Variants in CADPS2 observed in about 807,000 individuals in gnomAD.
CADPS2 encodes the protein calcium-dependent secretion activator 2.
In CADPS2, 93 loss-of-function variants were observed where a neutral mutation model predicts 172.5. That is an observed-to-expected ratio of 0.54 (90% CI 0.46 to 0.64). The LOEUF (loss-of-function observed/expected upper bound fraction) is 0.64. CADPS2 is among the 30% of genes least tolerant of loss of function. The pLI, the probability that CADPS2 is intolerant of heterozygous loss-of-function variation, is 0.00. For missense variants in CADPS2, 1,420 were observed against 1,565.9 expected (o/e 0.91, Z 1.57); for synonymous variants, 546 against 555.2 (o/e 0.98, Z 0.23).
At chr7:122,686,479 G>A (rs914968704) in intron 2 of CADPS2, among the ~76,000 whole-genome samples, 7 of 152,116 alleles carry the variant, frequency 4.6e-5, no homozygotes, top group Admixed American at 2.0e-4. Context: ...ACTCGAGTAC[G>A]CATTAGAATC....
Position 122,438,254 on chromosome 7 carries a change from G to A in CADPS2, c.2476+87C>T, listed in dbSNP as rs938429247. On this transcript the variant is annotated intron_variant, in intron 17 of 29. Transcript: ENST00000449022. ...CTTTGCCATGGCACAGGATTGTTCAGGAAAGGAAAGGACTTCTCATAGAAA... is the reference window on the plus strand; with the variant it reads ...CTTTGCCATGGCACAGGATTGTTCAAGAAAGGAAAGGACTTCTCATAGAAA... 9.2e-6 allele frequency: 14 copies of A among 1,522,542 alleles called. No homozygotes were observed. The African/African-American group carries it at 1.9e-4, about 21-fold the overall frequency. 94.3% of individuals were successfully genotyped at this position (1,522,542 alleles called of 1,614,324 possible). A position where few individuals can be genotyped will look rare whatever the true frequency, so the allele number is the denominator to read the frequency against.
intron 1 of CADPS2, among the ~76,000 whole-genome samples, chr7:122,817,383 T>C (rs1474212751): frequency 2.0e-5 from 3 of 152,134 alleles, no homozygotes; most frequent in African/African-American, 7.2e-5. Context: ...CCTCAACCAC[T>C]TTCTCCTTTC....
chr7:122,622,372 T>C (rs551469064), intron 4 of CADPS2, among the ~76,000 whole-genome samples: 1 of 152,174 alleles, frequency 6.6e-6, no homozygotes, highest in Non-Finnish European at 1.5e-5. Flanking sequence ...TGATAAAAAC[T>C]ATTAAGGGAA....
intron 22 of CADPS2, among the ~76,000 whole-genome samples, chr7:122,391,935 G>A (rs1241486980): frequency 1.3e-5 from 2 of 152,070 alleles, no homozygotes; most frequent in Non-Finnish European, 2.9e-5. Flanking sequence ...TCACTTATTT[G>A]CTGTGAGATA....
chr7:122,875,110 T>C (rs1454657771), intron 1 of CADPS2, among the ~76,000 whole-genome samples: 3 of 152,174 alleles, frequency 2.0e-5, no homozygotes, highest in Non-Finnish European at 4.4e-5. Flanking sequence ...TCCAGAAATG[T>C]GAGTGTGTAT....
intron 25 of CADPS2, among the ~76,000 whole-genome samples, chr7:122,365,813 A>G (rs1054802820): frequency 2.0e-5 from 3 of 152,224 alleles, no homozygotes; most frequent in Non-Finnish European, 4.4e-5. Context: ...AAACATGAAG[A>G]GTGCTTCAAG....
chr7:122,384,558 A>G (rs112709049), intron 24 of CADPS2, among the ~76,000 whole-genome samples: 3,012 of 152,188 alleles, frequency 0.02, 105 homozygotes, highest in African/African-American at 0.069. Context: ...GGCCTATGCA[A>G]TTATGTGGGT....
chr7:122,488,901 G>A (rs765554173), intron 11 of CADPS2, among the ~76,000 whole-genome samples: 1 of 152,162 alleles, frequency 6.6e-6, no homozygotes, highest in Non-Finnish European at 1.5e-5. Context: ...ACTCTTATCT[G>A]CTGTGCCATA....
chr7:122,684,612 G>T (rs1216957622), intron 2 of CADPS2, among the ~76,000 whole-genome samples: 3 of 152,058 alleles, frequency 2.0e-5, no homozygotes, highest in South Asian at 2.1e-4. Flanking sequence ...CAATGGATGA[G>T]AAATCAATAA....
intron 2 of CADPS2, among the ~76,000 whole-genome samples, chr7:122,700,369 A>T (rs148948750): frequency 6.6e-6 from 1 of 152,196 alleles, no homozygotes; most frequent in African/African-American, 2.4e-5. Context: ...AACAAAAACT[A>T]GTATAAAAAG....
At chr7:122,396,898 C>T (rs1041642315) in intron 20 of CADPS2, among the ~76,000 whole-genome samples, 1 of 152,108 alleles carries the variant, frequency 6.6e-6, no homozygotes, top group African/African-American at 2.4e-5. Flanking sequence ...GTCCCTGGCT[C>T]AGAGCAAGTA....
intron 1 of CADPS2, among the ~76,000 whole-genome samples, chr7:122,783,614 C>T (rs1343893516): frequency 6.6e-6 from 1 of 152,178 alleles, no homozygotes; most frequent in Non-Finnish European, 1.5e-5. Context: ...AGACTCCTTG[C>T]TGAGTGTTGT....
chr7:122,372,594 A>AT (rs1204270506), intron 25 of CADPS2, among the ~76,000 whole-genome samples: 1 of 152,220 alleles, frequency 6.6e-6, no homozygotes, highest in Non-Finnish European at 1.5e-5. Context: ...TTTTATCCAG[A>AT]TGTAGCAAAT....
At chr7:122,669,740 C>T (rs1004712920) in intron 2 of CADPS2, among the ~76,000 whole-genome samples, 1 of 152,034 alleles carries the variant, frequency 6.6e-6, no homozygotes, top group East Asian at 1.9e-4. Flanking sequence ...AAGGCCATCA[C>T]GAAGCCTGAA....
intron 2 of CADPS2, among the ~76,000 whole-genome samples, chr7:122,673,589 G>C (rs1161839127): frequency 6.6e-6 from 1 of 151,964 alleles, no homozygotes; most frequent in African/African-American, 2.4e-5. Context: ...AGACATAAAA[G>C]TTCTCCAAGT....
chr7:122,362,510 T>C (rs575076123), intron 25 of CADPS2, among the ~76,000 whole-genome samples: 3 of 152,166 alleles, frequency 2.0e-5, no homozygotes, highest in African/African-American at 7.2e-5. Flanking sequence ...AAAAAACACA[T>C]ACACTATAAT....
intron 1 of CADPS2, among the ~76,000 whole-genome samples, chr7:122,816,441 T>C (rs1801432424): frequency 6.6e-6 from 1 of 152,196 alleles, no homozygotes; most frequent in Non-Finnish European, 1.5e-5. Context: ...CATTCATCAG[T>C]GGACATTTAC....
At chr7:122,484,231 A>C (rs1170059612) in intron 11 of CADPS2, among the ~76,000 whole-genome samples, 1 of 152,216 alleles carries the variant, frequency 6.6e-6, no homozygotes, top group Non-Finnish European at 1.5e-5. Flanking sequence ...GAATAAGAGA[A>C]ATCAATTTGG....
intron 3 of CADPS2, among the ~76,000 whole-genome samples, chr7:122,637,190 T>C (rs1382310199): frequency 2.9e-5 from 3 of 102,896 alleles, no homozygotes; most frequent in African/African-American, 3.9e-5. Flanking sequence ...TTTTTTTTTT[T>C]TTTTTTTTTT....
Sources: allele counts gnomAD v4.1 joint callset (sites outside exome capture counted in the v4.1 genomes callset), GRCh38; gene constraint gnomAD v4.1.1; transcripts MANE v1.5; gene names NCBI Gene and HGNC (gene_info 2026-07-23, HGNC 2026-07-21).